Variants in VOPP1 observed in about 807,000 individuals in gnomAD.
The protein encoded by VOPP1 is WW domain binding protein VOPP1.
VOPP1 carries 8 observed loss-of-function variants against 23.5 expected under a neutral mutation model. The observed-to-expected ratio is 0.34, with a 90% CI of 0.20 to 0.61. The LOEUF (loss-of-function observed/expected upper bound fraction) is 0.61. Ranked by LOEUF, VOPP1 falls within the 20% of genes least tolerant of loss-of-function variation. VOPP1 has a pLI of 0.78. For synonymous variants in VOPP1, 83 were observed against 97.3 expected (o/e 0.85, Z 0.86); for missense variants, 174 against 238.1 (o/e 0.73, Z 1.77).
At chr7:55,558,298 A>G (rs988350932) in intron 1 of VOPP1, among the ~76,000 whole-genome samples, 10 of 152,170 alleles carry the variant, frequency 6.6e-5, no homozygotes, top group African/African-American at 2.4e-4. Context: ...TCATAGGTGC[A>G]TGCTTATCTC....
intron 2 of VOPP1, among the ~76,000 whole-genome samples, chr7:55,504,077 C>T (rs1794549893): frequency 6.6e-6 from 1 of 152,168 alleles, no homozygotes; most frequent in South Asian, 2.1e-4. Flanking sequence ...GAATCCAATC[C>T]TTTCTCCTGC....
intron 2 of VOPP1, among the ~76,000 whole-genome samples, chr7:55,499,617 C>G (rs1794224487): frequency 6.6e-6 from 1 of 152,230 alleles, no homozygotes; most frequent in Admixed American, 6.5e-5. Context: ...ATGGAGCCGG[C>G]ACCGGCAGGT....
At chr7:55,559,802 C>T (rs1462426408) in intron 1 of VOPP1, among the ~76,000 whole-genome samples, 1 of 152,194 alleles carries the variant, frequency 6.6e-6, no homozygotes, top group Non-Finnish European at 1.5e-5. Flanking sequence ...AGTTCTCATT[C>T]ACTCCACTGC....
downstream of VOPP1, among the ~76,000 whole-genome samples, chr7:55,435,008 A>G (rs193183512): frequency 1.5e-4 from 23 of 152,326 alleles, no homozygotes; most frequent in African/African-American, 3.1e-4. Context: ...TACAAATACA[A>G]TGGTCCAAGT....
chr7:55,498,651 G>T (rs1794151931), intron 2 of VOPP1, among the ~76,000 whole-genome samples: 1 of 152,152 alleles, frequency 6.6e-6, no homozygotes, highest in Non-Finnish European at 1.5e-5. Context: ...TTACCTAATT[G>T]TGATCTAGGT....
intron 4 of VOPP1, among the ~76,000 whole-genome samples, chr7:55,453,060 C>T (rs534310982): frequency 0.023 from 3,564 of 152,132 alleles, 94 homozygotes; most frequent in Non-Finnish European, 0.029. Flanking sequence ...ACTCTGTTGT[C>T]GAGTGTAGCC....
At chr7:55,447,345 G>A (rs1012314783) in intron 4 of VOPP1, among the ~76,000 whole-genome samples, 2 of 152,182 alleles carry the variant, frequency 1.3e-5, no homozygotes, top group African/African-American at 4.8e-5. Flanking sequence ...GGGCACAGCT[G>A]GTTTGACTCC....
intron 2 of VOPP1, among the ~76,000 whole-genome samples, chr7:55,508,338 GC>G (rs1327907102): frequency 6.6e-6 from 1 of 152,156 alleles, no homozygotes; most frequent in Non-Finnish European, 1.5e-5. Context: ...TGCAATCATA[GC>G]TCACTGCAGC....
At chr7:55,444,939 C>A (rs1323248939) in intron 4 of VOPP1, among the ~76,000 whole-genome samples, 4 of 152,156 alleles carry the variant, frequency 2.6e-5, no homozygotes, top group African/African-American at 7.2e-5. Context: ...AGCCTGACTG[C>A]TTTATGTTTA....
chr7:55,540,982 C>T (rs757341266), intron 1 of VOPP1, among the ~76,000 whole-genome samples: 4 of 152,246 alleles, frequency 2.6e-5, no homozygotes, highest in Non-Finnish European at 5.9e-5. Context: ...AATTCTTGGG[C>T]TGCAAACAAT....
At chr7:55,503,262 C>T (rs1045648745) in intron 2 of VOPP1, among the ~76,000 whole-genome samples, 7 of 152,154 alleles carry the variant, frequency 4.6e-5, no homozygotes, top group African/African-American at 9.7e-5. Context: ...TGAGAGTCTA[C>T]GGGCCACGAT....
intron 4 of VOPP1, among the ~76,000 whole-genome samples, chr7:55,445,662 G>T (rs1791083157): frequency 6.6e-6 from 1 of 152,082 alleles, no homozygotes; most frequent in African/African-American, 2.4e-5. Context: ...TCTCCTTTAT[G>T]GGTTTGTCTG....
At chr7:55,568,137 T>C (rs1297987997) in intron 1 of VOPP1, among the ~76,000 whole-genome samples, 2 of 144,034 alleles carry the variant, frequency 1.4e-5, no homozygotes, top group African/African-American at 5.2e-5. Context: ...TGGAGTGCAG[T>C]GGCACAATCT....
intron 4 of VOPP1, among the ~76,000 whole-genome samples, chr7:55,448,318 AC>A (rs5884414): frequency 0.3 from 45,242 of 151,996 alleles, 7,406 homozygotes; most frequent in East Asian, 0.54. Context: ...TCAAAATGAA[AC>A]AAAACACATG....
intron 1 of VOPP1, chr7:55,538,739 T>C: frequency 7.5e-7 from 1 of 1,342,072 alleles, no homozygotes; most frequent in East Asian, 2.5e-5. Context: ...TGGCCATTCC[T>C]ATAAAGGAAC....
chr7:55,476,632 C>A (rs1792279605), intron 4 of VOPP1, among the ~76,000 whole-genome samples: 1 of 152,176 alleles, frequency 6.6e-6, no homozygotes, highest in South Asian at 2.1e-4. Context: ...CCATTTTAGT[C>A]AGCCCCTCCA....
At chr7:55,519,949 G>A (rs1421414843) in intron 2 of VOPP1, among the ~76,000 whole-genome samples, 1 of 152,180 alleles carries the variant, frequency 6.6e-6, no homozygotes, top group Non-Finnish European at 1.5e-5. Flanking sequence ...CCAACATGGT[G>A]AAACCCCATA....
downstream of VOPP1, among the ~76,000 whole-genome samples, chr7:55,469,953 G>A (rs553475410): frequency 6.6e-6 from 1 of 152,310 alleles, no homozygotes; most frequent in South Asian, 2.1e-4. Context: ...TGGGAAGTGG[G>A]AGGATCGCTT....
At chr7:55,484,390 AG>A (rs1437811439) in intron 4 of VOPP1, among the ~76,000 whole-genome samples, 2 of 152,154 alleles carry the variant, frequency 1.3e-5, no homozygotes, top group African/African-American at 4.8e-5. Flanking sequence ...AGAGAAGCAC[AG>A]GTGCTTTCCT....
Sources: gnomAD v4.1 joint callset for allele counts (sites outside exome capture counted in the v4.1 genomes callset) on GRCh38, gnomAD v4.1.1 for gene constraint, MANE v1.5 for transcripts, NCBI Gene and HGNC (gene_info 2026-07-23, HGNC 2026-07-21) for gene names.